The following MYRIP variants were observed in gnomAD, a reference collection of about 807,000 sequenced individuals.
MYRIP encodes the protein rab effector MyRIP.
MYRIP carries 49 observed loss-of-function variants against 98.0 expected under a neutral mutation model. The observed-to-expected ratio is 0.50, with a 90% CI of 0.40 to 0.63. The LOEUF (loss-of-function observed/expected upper bound fraction) is 0.63. Among genes scored for constraint, MYRIP ranks in the 30% least tolerant of loss-of-function variants. The probability of loss-of-function intolerance (pLI) is 0.00; values close to 1 mark genes in which losing one functional copy is unlikely to be tolerated. For missense variants in MYRIP, 1,004 were observed against 1,058.2 expected, an observed-to-expected ratio of 0.95 and a Z score of 0.71; for synonymous variants, 404 against 409.5, an observed-to-expected ratio of 0.99 and a Z score of 0.16.
intron 1 of MYRIP, among the ~76,000 whole-genome samples, chr3:39,855,467 G>T (rs1942257165): frequency 6.6e-6 from 1 of 152,270 alleles, no homozygotes; most frequent in South Asian, 2.1e-4. Flanking sequence ...GCAGAGGAAG[G>T]AGAGTCTGGT....
intron 3 of MYRIP, among the ~76,000 whole-genome samples, chr3:40,065,835 C>A (rs1948115767): frequency 6.6e-6 from 1 of 152,100 alleles, no homozygotes; most frequent in African/African-American, 2.4e-5. Flanking sequence ...ATCTTTGTAC[C>A]CAACACAGCT....
At chr3:40,019,835 A>G (rs1034984049) in intron 2 of MYRIP, among the ~76,000 whole-genome samples, 1 of 151,984 alleles carries the variant, frequency 6.6e-6, no homozygotes, top group African/African-American at 2.4e-5. Flanking sequence ...AATGAGAGAT[A>G]CTCTACTTTG....
chr3:40,210,878 C>T (rs546447673), intron 11 of MYRIP, among the ~76,000 whole-genome samples: 25 of 152,314 alleles, frequency 1.6e-4, no homozygotes, highest in Admixed American at 1.6e-3. Flanking sequence ...GGGGTTTCCT[C>T]TACAGCTTCT....
At chr3:40,123,212 T>C (rs1289099506) in intron 3 of MYRIP, among the ~76,000 whole-genome samples, 1 of 152,246 alleles carries the variant, frequency 6.6e-6, no homozygotes, top group East Asian at 1.9e-4. Context: ...AATGGATTCA[T>C]ACATTTTGCT....
intron 3 of MYRIP, among the ~76,000 whole-genome samples, chr3:40,098,410 G>A (rs1948871698): frequency 6.6e-6 from 1 of 152,154 alleles, no homozygotes; most frequent in East Asian, 1.9e-4. Context: ...GGGACCCTTT[G>A]GTAGCAGCTG....
intron 1 of MYRIP, among the ~76,000 whole-genome samples, chr3:39,893,678 A>T (rs1485262488): frequency 9.4e-5 from 4 of 42,476 alleles, no homozygotes; most frequent in Admixed American, 8.7e-4. Flanking sequence ...TGGAAATCAC[A>T]CACACACACA....
chr3:40,083,358 G>C (rs1948523159), intron 3 of MYRIP, among the ~76,000 whole-genome samples: 1 of 152,192 alleles, frequency 6.6e-6, no homozygotes, highest in Non-Finnish European at 1.5e-5. Context: ...AGTGTTGGAG[G>C]CCAGAAGGGA....
intron 2 of MYRIP, among the ~76,000 whole-genome samples, chr3:40,033,802 C>T (rs980750918): frequency 9.9e-5 from 15 of 152,170 alleles, no homozygotes; most frequent in African/African-American, 2.6e-4. Flanking sequence ...GGAGGCATCA[C>T]GCTACCTGAC....
chr3:40,053,347 G>C (rs938324830), intron 3 of MYRIP, among the ~76,000 whole-genome samples: 1 of 152,168 alleles, frequency 6.6e-6, no homozygotes, highest in Non-Finnish European at 1.5e-5. Flanking sequence ...TAACCACAGA[G>C]CTCAATCTGA....
chr3:39,897,433 T>C (rs1173541424), intron 1 of MYRIP, among the ~76,000 whole-genome samples: 1 of 152,348 alleles, frequency 6.6e-6, no homozygotes, highest in East Asian at 1.9e-4. Context: ...AATATTGACA[T>C]ACTAATTTTC....
chr3:40,223,651 CAG>C (rs1188644096), intron 11 of MYRIP, among the ~76,000 whole-genome samples: 1 of 152,194 alleles, frequency 6.6e-6, no homozygotes, highest in African/African-American at 2.4e-5. Context: ...TAAAAGGAGA[CAG>C]AGAGATGTTG....
chr3:40,159,923 C>T (rs557029098), intron 4 of MYRIP, among the ~76,000 whole-genome samples: 2 of 152,258 alleles, frequency 1.3e-5, no homozygotes, highest in East Asian at 3.9e-4. Context: ...TTTTCAACTT[C>T]TTTGCCTTTG....
chr3:40,236,163 C>T (rs551384847), intron 12 of MYRIP, among the ~76,000 whole-genome samples: 49 of 152,212 alleles, frequency 3.2e-4, no homozygotes, highest in African/African-American at 1.1e-3. Flanking sequence ...AAATAATTAC[C>T]ATGGTGTTAC....
intron 3 of MYRIP, among the ~76,000 whole-genome samples, chr3:40,123,196 T>C (rs946655074): frequency 1.1e-4 from 17 of 152,364 alleles, no homozygotes; most frequent in Non-Finnish European, 2.5e-4. Context: ...TGTTTGGATC[T>C]TCTAAAATGG....
chr3:40,229,224 G>C (rs1682799770), intron 11 of MYRIP, among the ~76,000 whole-genome samples: 1 of 152,208 alleles, frequency 6.6e-6, no homozygotes, highest in South Asian at 2.1e-4. Flanking sequence ...AGAGTACATA[G>C]AGTAGAAATT....
At chr3:39,944,115 C>A (rs1944849126) in intron 2 of MYRIP, among the ~76,000 whole-genome samples, 1 of 152,104 alleles carries the variant, frequency 6.6e-6, no homozygotes, top group Non-Finnish European at 1.5e-5. Context: ...TAGGCTCATA[C>A]ATTACTGAGT....
chr3:39,818,736 A>G (rs1024041449), intron 1 of MYRIP, among the ~76,000 whole-genome samples: 1 of 152,218 alleles, frequency 6.6e-6, no homozygotes, highest in Non-Finnish European at 1.5e-5. Flanking sequence ...TCTTGAAGAT[A>G]TATGCCTAGA....
chr3:39,900,423 T>C (rs1310103213), intron 1 of MYRIP, among the ~76,000 whole-genome samples: 7 of 151,936 alleles, frequency 4.6e-5, no homozygotes, highest in Non-Finnish European at 1.0e-4. Context: ...TGCAGTTACA[T>C]ATAATACTTA....
At chr3:40,100,605 T>C (rs894518287) in intron 3 of MYRIP, among the ~76,000 whole-genome samples, 3 of 152,258 alleles carry the variant, frequency 2.0e-5, no homozygotes, top group Admixed American at 6.5e-5. Context: ...GGGTTGTAGC[T>C]GTGGCTGCCT....
Sources: gnomAD v4.1 joint callset for allele counts (sites outside exome capture counted in the v4.1 genomes callset) on GRCh38, gnomAD v4.1.1 for gene constraint, MANE v1.5 for transcripts, NCBI Gene and HGNC (gene_info 2026-07-23, HGNC 2026-07-21) for gene names.